Variants in ADCK1 observed in about 807,000 individuals in gnomAD.
ADCK1 encodes the protein aarF domain containing kinase 1.
A neutral mutation model predicts 52.3 loss-of-function variants in ADCK1; 41 were observed. The observed-to-expected ratio is 0.78, with a 90% CI of 0.61 to 1.02. The LOEUF (loss-of-function observed/expected upper bound fraction) is 1.02. Ranked by LOEUF, ADCK1 falls within the 50% of genes least tolerant of loss-of-function variation. ADCK1 has a pLI of 0.00. For missense variants in ADCK1, 658 were observed against 679.5 expected (o/e 0.97, Z 0.35); for synonymous variants, 250 against 274.6 (o/e 0.91, Z 0.89).
rs1415811018 is a variant in ADCK1 at position 77,923,832 on chromosome 14, G to C, written c.859-625G>C. On this transcript the variant is annotated intron_variant, in intron 7 of 10. Transcript: ENST00000238561. This position sits in a 1 kb window ranked among gnomAD's most constrained non-coding sequence, Gnocchi z 4.3. ...CGGCTTCTCTAGTGTCATTTCTTCTGTGCAGACATCATAAATCAGATTAGC... is the reference window on the plus strand; with the variant it reads ...CGGCTTCTCTAGTGTCATTTCTTCTCTGCAGACATCATAAATCAGATTAGC... 1 of 152,486 alleles carries C rather than the reference G, an allele frequency of 6.6e-6. No individual in the cohort carries two copies. The highest frequency in any genetic ancestry group is 2.4e-5 in the African/African-American group (1 of 41,418). 9.4% of individuals were successfully genotyped at this position (152,486 alleles called of 1,614,324 possible).
At chr14:77,881,445 G>C (rs1333018225) in intron 4 of ADCK1, among the ~76,000 whole-genome samples, 2 of 152,180 alleles carry the variant, frequency 1.3e-5, no homozygotes, top group African/African-American at 4.8e-5. Context: ...TGTTGGGAGT[G>C]GATCATTAAT....
At chr14:77,860,709 G>A (rs1339244717) in intron 4 of ADCK1, among the ~76,000 whole-genome samples, 1 of 152,172 alleles carries the variant, frequency 6.6e-6, no homozygotes, top group Non-Finnish European at 1.5e-5. Context: ...CAGGCAGAGG[G>A]GACTGAATTG....
intron 9 of ADCK1, among the ~76,000 whole-genome samples, chr14:77,926,212 T>C (rs7152398): frequency 6.6e-6 from 1 of 152,046 alleles, no homozygotes. Flanking sequence ...AGGAAACAGG[T>C]GCACATTAAC....
chr14:77,862,307 CA>C (rs1464185788), intron 4 of ADCK1, among the ~76,000 whole-genome samples: 1 of 152,274 alleles, frequency 6.6e-6, no homozygotes, highest in African/African-American at 2.4e-5. Flanking sequence ...TGGACTGGGT[CA>C]GGGGTGGTCC....
chr14:77,819,087 G>A lies in ADCK1; in HGVS notation c.109G>A (p.Val37Ile). The A allele has an allele frequency of 6.2e-7, 1 of 1,612,844 alleles. No homozygotes were observed. The highest frequency in any genetic ancestry group is 8.5e-7 in the Non-Finnish European group (1 of 1,179,784). Residue 37 changes from valine (V) to isoleucine (I), a missense_variant, in exon 2 of 11, where the codon GTC (valine) becomes ATC (isoleucine). Coordinates refer to ENST00000238561, the MANE Select transcript of ADCK1 (RefSeq NM_020421.4). Reference protein sequence around the residue: ...KYLDPNDFGAVRVGRAVATTA... With the variant: ...KYLDPNDFGAIRVGRAVATTA... ...CTTGGACCCTAATGACTTTGGCGCT[G>A]TCAGGGTGGGCAGAGCAGTTGCTAC...
At chr14:77,904,884 T>C (rs1457064686) in intron 6 of ADCK1, among the ~76,000 whole-genome samples, 1 of 152,194 alleles carries the variant, frequency 6.6e-6, no homozygotes, top group Non-Finnish European at 1.5e-5. Context: ...TTCAAATTTC[T>C]CTTTTTCATT....
chr14:77,810,053 A>AG (rs1390100834), intron 1 of ADCK1, among the ~76,000 whole-genome samples: 3 of 151,634 alleles, frequency 2.0e-5, no homozygotes, highest in African/African-American at 7.3e-5. Context: ...AAAAAAAAAA[A>AG]AAAAATTACA....
At chr14:77,873,556 C>T (rs1299378295) in intron 4 of ADCK1, among the ~76,000 whole-genome samples, 1 of 152,146 alleles carries the variant, frequency 6.6e-6, no homozygotes, top group Non-Finnish European at 1.5e-5. Flanking sequence ...AATGTGTGCA[C>T]TTGTGTGTGT....
intron 2 of ADCK1, among the ~76,000 whole-genome samples, chr14:77,820,743 CAT>C (rs1332039802): frequency 2.0e-5 from 3 of 149,394 alleles, no homozygotes; most frequent in Non-Finnish European, 1.5e-5. Context: ...CATCCAAATC[CAT>C]ATATATATAT....
At chr14:77,879,639 A>T (rs1434819584) in intron 4 of ADCK1, among the ~76,000 whole-genome samples, 1 of 152,208 alleles carries the variant, frequency 6.6e-6, no homozygotes, top group Non-Finnish European at 1.5e-5. Context: ...TGACTTATGC[A>T]GCGAGAAGTG....
intron 4 of ADCK1, among the ~76,000 whole-genome samples, chr14:77,862,323 C>T (rs2082567600): frequency 6.6e-6 from 1 of 152,156 alleles, no homozygotes; most frequent in Non-Finnish European, 1.5e-5. Context: ...TGGTCCCAGC[C>T]TTGGTCCCCT....
In ADCK1 at chr14:77,907,850, G is replaced by A. The variant is rs1160017641; in HGVS notation, c.789G>A (p.Met263Ile). 1.2e-6 allele frequency: 2 copies of A among 1,613,964 alleles called. No individual in the cohort carries two copies. Among genetic ancestry groups the A allele is most frequent in the Non-Finnish European group, 8.5e-7 (1 of 1,179,986 alleles). ...WDLSTERVLL[M>I]EFVDGGQVND... Reference sequence around the variant, plus strand: ...TGTCCACGGAGCGGGTCCTCCTGATGGAGTTTGTGGATGGCGGGCAGGTCA... The same window carrying A: ...TGTCCACGGAGCGGGTCCTCCTGATAGAGTTTGTGGATGGCGGGCAGGTCA... The change falls in exon 7 of 11, where the codon ATG (methionine) becomes ATA (isoleucine). Residue 263 changes from methionine (M) to isoleucine (I), a missense_variant. Physicochemically the swap from Met to Ile is conservative, Grantham distance 10. Coordinates refer to ENST00000238561, the MANE Select transcript of ADCK1 (RefSeq NM_020421.4).
chr14:77,817,416 G>A (rs1276802365), intron 1 of ADCK1, among the ~76,000 whole-genome samples: 4 of 152,274 alleles, frequency 2.6e-5, no homozygotes, highest in Admixed American at 2.0e-4. Flanking sequence ...TGCTGCTCTC[G>A]TGTGGCACTT....
chr14:77,890,163 C>A (rs767257390), intron 5 of ADCK1, among the ~76,000 whole-genome samples: 2 of 152,238 alleles, frequency 1.3e-5, no homozygotes, highest in South Asian at 4.1e-4. Context: ...CTCATGAATT[C>A]GCAGTTTGGC....
intron 4 of ADCK1, among the ~76,000 whole-genome samples, chr14:77,867,735 G>C (rs1235037675): frequency 1.3e-5 from 2 of 152,186 alleles, no homozygotes; most frequent in East Asian, 3.9e-4. Context: ...CCTGTACCCT[G>C]TCTGTGCCCT....
Position 77,841,336 on chromosome 14 carries a change from C to T in ADCK1, c.220-17740C>T, listed in dbSNP as rs988404814. ...ACACGGAACCCCATGCTGTATGGAC[C>T]ACTGGCCTGGAGGAACCCTGGGAGC... is the stretch of plus-strand genomic sequence containing the variant. On this transcript the variant is annotated intron_variant, in intron 3 of 10. Transcript: ENST00000238561. Among the ~76,000 whole-genome samples, 4 of 152,218 alleles carry T rather than the reference C, an allele frequency of 2.6e-5. No homozygotes were observed. The East Asian group carries it at 7.7e-4, about 29-fold the overall frequency.
intron 4 of ADCK1, among the ~76,000 whole-genome samples, chr14:77,870,721 A>G (rs2082758397): frequency 6.6e-6 from 1 of 152,222 alleles, no homozygotes; most frequent in Admixed American, 6.5e-5. Flanking sequence ...CCTGGAGGAC[A>G]AATGCCATGG....
intron 7 of ADCK1, among the ~76,000 whole-genome samples, chr14:77,919,207 G>A (rs763241497): frequency 1.1e-4 from 17 of 152,146 alleles, no homozygotes; most frequent in Non-Finnish European, 1.9e-4. Context: ...GAGCCACCAC[G>A]CCAGGCCCCA....
At chr14:77,814,516 G>A (rs751282449) in intron 1 of ADCK1, among the ~76,000 whole-genome samples, 1 of 151,188 alleles carries the variant, frequency 6.6e-6, no homozygotes, top group Non-Finnish European at 1.5e-5. Context: ...TGGGTGGATC[G>A]CTTGAGCTCA....
Sources: allele counts gnomAD v4.1 joint callset (sites outside exome capture counted in the v4.1 genomes callset), GRCh38; gene constraint gnomAD v4.1.1; non-coding constraint Gnocchi (gnomAD v3.1); transcripts MANE v1.5; gene names NCBI Gene and HGNC (gene_info 2026-07-23, HGNC 2026-07-21).